The following SUGCT variants were observed in gnomAD, a reference collection of about 807,000 sequenced individuals.
SUGCT encodes succinyl-CoA:glutarate-CoA transferase, also known as succinyl-CoA:glutarate CoA-transferase.
A neutral mutation model predicts 55.0 loss-of-function variants in SUGCT; 41 were observed. The ratio of observed to expected loss-of-function variants is 0.74; its 90% CI spans 0.58 to 0.97. The LOEUF (loss-of-function observed/expected upper bound fraction) is 0.97. SUGCT is among the 50% of genes least tolerant of loss of function. The pLI, the probability that SUGCT is intolerant of heterozygous loss-of-function variation, is 0.00. For missense variants in SUGCT, 568 were observed against 547.8 expected (o/e 1.04, Z -0.37); for synonymous variants, 187 against 200.4 (o/e 0.93, Z 0.56).
At chr7:40,663,976 AG>A (rs1348234435) in intron 12 of SUGCT, among the ~76,000 whole-genome samples, 2 of 152,024 alleles carry the variant, frequency 1.3e-5, no homozygotes, top group Admixed American at 6.6e-5. Context: ...CACTGGGGGG[AG>A]GGCCTAATCC....
At chr7:40,967,621 G>T in the SUGCT span, among the ~76,000 whole-genome samples, 2 of 135,798 alleles carry the variant, frequency 1.5e-5, no homozygotes, top group Non-Finnish European at 3.1e-5. Flanking sequence ...AAAATGCAGT[G>T]AATTCTTTTT....
At chr7:40,967,798 A>G in the SUGCT span, among the ~76,000 whole-genome samples, 1 of 151,506 alleles carries the variant, frequency 6.6e-6, no homozygotes, top group Non-Finnish European at 1.5e-5. Flanking sequence ...TTTTTTTTGT[A>G]TTTTTAGTAG....
At chr7:40,450,130 G>A (rs1789106106) in intron 10 of SUGCT, among the ~76,000 whole-genome samples, 1 of 152,054 alleles carries the variant, frequency 6.6e-6, no homozygotes, top group African/African-American at 2.4e-5. Context: ...GTTTCACTAT[G>A]CTGGCCAGGG....
At chr7:40,289,421 T>A (rs1251127828) in intron 8 of SUGCT, among the ~76,000 whole-genome samples, 3 of 152,170 alleles carry the variant, frequency 2.0e-5, no homozygotes, top group Non-Finnish European at 2.9e-5. Flanking sequence ...GAATATGGCC[T>A]AATTTGAACA....
chr7:40,314,872 CTT>C (rs1335033236), intron 8 of SUGCT, among the ~76,000 whole-genome samples: 1 of 152,052 alleles, frequency 6.6e-6, no homozygotes, highest in Non-Finnish European at 1.5e-5. Flanking sequence ...CCCCTCTTGT[CTT>C]TTTATCTGCC....
chr7:40,924,149 G>T, the SUGCT span, among the ~76,000 whole-genome samples: 1 of 152,266 alleles, frequency 6.6e-6, no homozygotes, highest in East Asian at 1.9e-4. Flanking sequence ...CTCCAGAACT[G>T]TGAGCAATAA....
chr7:40,271,893 A>T (rs2150990392), intron 7 of SUGCT, among the ~76,000 whole-genome samples: 1 of 151,520 alleles, frequency 6.6e-6, no homozygotes, highest in South Asian at 2.1e-4. Flanking sequence ...CATGAGATCT[A>T]CTTTGTTAGC....
chr7:40,136,011 T>C (rs1787670581), intron 1 of SUGCT, among the ~76,000 whole-genome samples: 1 of 151,336 alleles, frequency 6.6e-6, no homozygotes, highest in South Asian at 2.1e-4. Context: ...TTTTTTTTTT[T>C]TTTTTGAGAC....
intron 13 of SUGCT, among the ~76,000 whole-genome samples, chr7:40,847,133 C>G (rs1793596340): frequency 6.6e-6 from 1 of 152,162 alleles, no homozygotes; most frequent in African/African-American, 2.4e-5. Context: ...CTCCTCTAGT[C>G]CAGGCAAGTG....
the SUGCT span, among the ~76,000 whole-genome samples, chr7:40,888,502 T>G: frequency 6.6e-6 from 1 of 151,906 alleles, no homozygotes; most frequent in African/African-American, 2.4e-5. Flanking sequence ...AGATCAGGTT[T>G]TCCAGCAGTG....
chr7:40,174,404 C>A (rs1784825046), intron 1 of SUGCT, among the ~76,000 whole-genome samples: 1 of 152,106 alleles, frequency 6.6e-6, no homozygotes, highest in South Asian at 2.1e-4. Context: ...GGGCCACAAG[C>A]ATGCCACCAC....
At chr7:41,033,873 A>G in the SUGCT span, among the ~76,000 whole-genome samples, 232 of 152,212 alleles carry the variant, frequency 1.5e-3, no homozygotes, top group Admixed American at 3.5e-3. Flanking sequence ...AAGGTCTTGA[A>G]GAAAATGAAA....
At chr7:40,687,452 T>G (rs1469414065) in intron 12 of SUGCT, among the ~76,000 whole-genome samples, 1 of 152,192 alleles carries the variant, frequency 6.6e-6, no homozygotes, top group Non-Finnish European at 1.5e-5. Context: ...GCAGATTAAT[T>G]ATTTTTTAGC....
At chr7:40,918,675 T>C in the SUGCT span, among the ~76,000 whole-genome samples, 1 of 152,034 alleles carries the variant, frequency 6.6e-6, no homozygotes, top group Non-Finnish European at 1.5e-5. Flanking sequence ...ATGATCGAAA[T>C]AAAAGGATAG....
intron 8 of SUGCT, among the ~76,000 whole-genome samples, chr7:40,314,586 CAG>C (rs1489840718): frequency 1.1e-4 from 4 of 37,094 alleles, no homozygotes; most frequent in Non-Finnish European, 3.4e-4. Context: ...TTTTTTAAGA[CAG>C]AGTTTCGCTC....
At position 40,226,976 on chromosome 7, in the gene SUGCT, AT is replaced by A. The variant is rs535202112; in HGVS notation, c.485-10652del. ...TTAATAATTAAATAAAAACTAAATAATTTTTTTAACATCTTATTGTGGAAAA... is the reference window on the plus strand; with the variant it reads ...TTAATAATTAAATAAAAACTAAATAATTTTTTAACATCTTATTGTGGAAAA... On this transcript the variant is annotated intron_variant, in intron 6 of 13. Coordinates refer to ENST00000335693, the MANE Select transcript of SUGCT (RefSeq NM_001193313.2). Among the ~76,000 whole-genome samples, 56 of 150,970 alleles carry A rather than the reference AT, an allele frequency of 3.7e-4. 1 individual carries two copies. In the South Asian group the frequency reaches 0.01, roughly 28 times the overall value.
At chr7:40,796,013 TTTTC>T (rs1790535932) in intron 13 of SUGCT, among the ~76,000 whole-genome samples, 2 of 152,174 alleles carry the variant, frequency 1.3e-5, no homozygotes, top group African/African-American at 2.4e-5. Flanking sequence ...AAATGTTTCT[TTTTC>T]TTTCTTTCTT....
rs1422229271 is a variant in SUGCT at position 40,242,954 on chromosome 7, T to A, written c.576+5228T>A. 7.5e-3 allele frequency among the ~76,000 whole-genome samples: 728 copies of A among 97,624 alleles called. 45 individuals carry two copies. The highest frequency in any genetic ancestry group is 0.026 in the African/African-American group (693 of 26,824). 64.0% of individuals were successfully genotyped at this position (97,624 alleles called of 152,430 possible). On this transcript the variant is annotated intron_variant, in intron 7 of 13. Coordinates refer to ENST00000335693, the MANE Select transcript of SUGCT (RefSeq NM_001193313.2). Reference sequence around the variant, plus strand: ...ATATATTTTTTTTTTTTTTTTTTTTTTTTTTTTTGAGACAAGGTCTCACTC... The same window carrying A: ...ATATATTTTTTTTTTTTTTTTTTTTATTTTTTTTGAGACAAGGTCTCACTC...
chr7:40,219,654 C>T (rs771984611), intron 6 of SUGCT, among the ~76,000 whole-genome samples: 40 of 152,066 alleles, frequency 2.6e-4, no homozygotes, highest in Middle Eastern at 6.8e-3. Flanking sequence ...GTATGCCAAT[C>T]ACGGGGGTAG....
Sources: allele counts gnomAD v4.1 joint callset (sites outside exome capture counted in the v4.1 genomes callset), GRCh38; gene constraint gnomAD v4.1.1; transcripts MANE v1.5; gene names NCBI Gene and HGNC (gene_info 2026-07-23, HGNC 2026-07-21).